Variants in CFAP299 observed in about 807,000 individuals in gnomAD.
CFAP299 encodes cilia- and flagella-associated protein 299.
CFAP299 carries 21 observed loss-of-function variants against 27.0 expected under a neutral mutation model. The ratio of observed to expected loss-of-function variants is 0.78; its 90% CI spans 0.55 to 1.12. The LOEUF (loss-of-function observed/expected upper bound fraction) is 1.12, where lower values mean the gene tolerates loss of function less well. Among genes scored for constraint, CFAP299 ranks in the 50% most tolerant of loss-of-function variants. CFAP299 has a pLI of 0.00. For synonymous variants in CFAP299, 104 were observed against 98.1 expected, an observed-to-expected ratio of 1.06 and a Z score of -0.36; for missense variants, 310 against 276.6, an observed-to-expected ratio of 1.12 and a Z score of -0.86.
intron 3 of CFAP299, among the ~76,000 whole-genome samples, chr4:80,783,877 C>G (rs1248269421): frequency 6.6e-6 from 1 of 152,030 alleles, no homozygotes; most frequent in Admixed American, 6.6e-5. Flanking sequence ...AGAAGTCAAC[C>G]CAGTTCATAA....
At chr4:80,627,807 A>G (rs1260968895) in intron 3 of CFAP299, among the ~76,000 whole-genome samples, 2 of 152,046 alleles carry the variant, frequency 1.3e-5, no homozygotes, top group Non-Finnish European at 1.5e-5. Flanking sequence ...CCTAAAAGCC[A>G]TAAAACAATG....
upstream of CFAP299, among the ~76,000 whole-genome samples, chr4:80,333,357 C>T (rs77791039): frequency 0.017 from 2,664 of 152,288 alleles, 77 homozygotes; most frequent in African/African-American, 0.058. Flanking sequence ...AGTTAACAAG[C>T]AGCTAGGCAA....
rs1274377909 is a variant in CFAP299 at position 80,944,797 on chromosome 4, T to C, written c.477-13T>C. 1.3e-6 allele frequency: 2 copies of C among 1,572,724 alleles called. No individual in the cohort carries two copies. Among genetic ancestry groups the C allele is most frequent in the African/African-American group, 2.7e-5 (2 of 73,014 alleles). On this transcript the variant is annotated splice_polypyrimidine_tract_variant and intron_variant, in intron 4 of 5. Transcript: ENST00000358105. ...TATACATCTTAATTCCTAATAAATG[T>C]TTATTTTTATAGCTTTTACAACTGG...
intron 3 of CFAP299, among the ~76,000 whole-genome samples, chr4:80,805,598 C>A (rs1023141159): frequency 2.6e-5 from 4 of 152,124 alleles, no homozygotes; most frequent in African/African-American, 9.7e-5. Context: ...AATCCCAGCA[C>A]TTTGGGAGGC....
At chr4:80,778,922 T>G (rs1726714037) in intron 3 of CFAP299, among the ~76,000 whole-genome samples, 1 of 152,086 alleles carries the variant, frequency 6.6e-6, no homozygotes, top group African/African-American at 2.4e-5. Context: ...CCATGTAAAT[T>G]AACCCACAAA....
intron 3 of CFAP299, among the ~76,000 whole-genome samples, chr4:80,657,018 TGTC>T (rs941412067): frequency 1.4e-4 from 22 of 152,222 alleles, no homozygotes; most frequent in Non-Finnish European, 2.9e-4. Context: ...GCCACATAAA[TGTC>T]TTCTTTTGAG....
intron 2 of CFAP299, among the ~76,000 whole-genome samples, chr4:80,493,318 G>T (rs72503703): frequency 0.051 from 7,784 of 152,264 alleles, 412 homozygotes; most frequent in East Asian, 0.25. Context: ...TTGGACAAGG[G>T]AGAGGAAGGG....
At chr4:80,693,694 T>A (rs555095793) in intron 3 of CFAP299, among the ~76,000 whole-genome samples, 2 of 149,762 alleles carry the variant, frequency 1.3e-5, no homozygotes, top group African/African-American at 2.5e-5. Flanking sequence ...AGTATAATAA[T>A]AATTTAAAAA....
chr4:80,389,409 T>C (rs1055611084), intron 2 of CFAP299, among the ~76,000 whole-genome samples: 3 of 152,284 alleles, frequency 2.0e-5, no homozygotes, highest in East Asian at 1.9e-4. Flanking sequence ...TCCATTATCA[T>C]AGTTCTGATC....
chr4:80,752,433 A>AAT (rs138153448), intron 3 of CFAP299, among the ~76,000 whole-genome samples: 6,165 of 147,060 alleles, frequency 0.042, 313 homozygotes, highest in African/African-American at 0.12. Context: ...TATATAAATA[A>AAT]ATATATATAT....
intron 3 of CFAP299, among the ~76,000 whole-genome samples, chr4:80,864,878 A>G (rs920137018): frequency 6.6e-6 from 1 of 152,140 alleles, no homozygotes. Flanking sequence ...TCACACACCA[A>G]TTTAGGTATT....
intron 2 of CFAP299, among the ~76,000 whole-genome samples, chr4:80,477,397 T>G (rs1730335275): frequency 6.6e-6 from 1 of 152,174 alleles, no homozygotes; most frequent in Non-Finnish European, 1.5e-5. Flanking sequence ...TAGGCTTCTT[T>G]GCTTTCTGTC....
chr4:80,804,354 A>G (rs1728757831), intron 3 of CFAP299, among the ~76,000 whole-genome samples: 1 of 152,172 alleles, frequency 6.6e-6, no homozygotes, highest in African/African-American at 2.4e-5. Flanking sequence ...AGTAGCTTAT[A>G]TAAGTGGAAT....
chr4:80,558,338 GTTTTT>G (rs1183217962), intron 2 of CFAP299, among the ~76,000 whole-genome samples: 1 of 140,426 alleles, frequency 7.1e-6, no homozygotes, highest in East Asian at 2.0e-4. Context: ...GACTTTTGTG[GTTTTT>G]TTGTTTGTTT....
At chr4:80,420,311 T>C in intron 2 of CFAP299, 1 of 432,030 alleles carries the variant, frequency 2.3e-6, no homozygotes. Context: ...GATGCAAATC[T>C]CTCCCACAAA....
At chr4:80,681,248 C>T (rs1719818813) in intron 3 of CFAP299, among the ~76,000 whole-genome samples, 1 of 152,110 alleles carries the variant, frequency 6.6e-6, no homozygotes, top group African/African-American at 2.4e-5. Context: ...GTATCCCCTC[C>T]TGTGACAGAG....
intron 3 of CFAP299, among the ~76,000 whole-genome samples, chr4:80,626,476 G>C (rs1738911373): frequency 6.6e-6 from 1 of 151,400 alleles, no homozygotes; most frequent in Non-Finnish European, 1.5e-5. Context: ...TCAAGGAACT[G>C]CAAAAAACAG....
chr4:80,794,463 G>T lies in CFAP299; in HGVS notation c.334-75530G>T, dbSNP rs114072381. ...TCATGTATTGGACTCTGATTCACGGGTCTTCTGGAGAACTTTACCCCAGCC... is the reference window on the plus strand; with the variant it reads ...TCATGTATTGGACTCTGATTCACGGTTCTTCTGGAGAACTTTACCCCAGCC... On this transcript the variant is annotated intron_variant, in intron 3 of 5. Coordinates refer to ENST00000358105, the MANE Select transcript of CFAP299 (RefSeq NM_152770.3). Among the ~76,000 whole-genome samples, 1,284 of 152,172 alleles carry T rather than the reference G, an allele frequency of 8.4e-3. 14 individuals carry two copies. The highest frequency in any genetic ancestry group is 0.03 in the African/African-American group (1,230 of 41,500).
In CFAP299 at chr4:80,335,841, G is replaced by T. The variant is rs766038851; in HGVS notation, c.73G>T (p.Asp25Tyr). 6.2e-7 allele frequency: 1 copy of T among 1,613,634 alleles called. No homozygotes were observed. The highest frequency in any genetic ancestry group is 1.7e-5 in the Admixed American group (1 of 60,028). ...ATTCAACGCCTATGAAGATTTCCTG[G>T]ACTCGCAGATCACTACTGTGGACTT... is the stretch of plus-strand genomic sequence containing the variant. ...TQFNAYEDFL[D>Y]SQITTVDLYY... The change falls in exon 1 of 6, where the codon GAC becomes TAC. Residue 25 changes from aspartate to tyrosine, a missense_variant. Coordinates refer to ENST00000358105, the MANE Select transcript of CFAP299 (RefSeq NM_152770.3).
Sources: allele counts gnomAD v4.1 joint callset (sites outside exome capture counted in the v4.1 genomes callset), GRCh38; gene constraint gnomAD v4.1.1; transcripts MANE v1.5; gene names NCBI Gene and HGNC (gene_info 2026-07-23, HGNC 2026-07-21).